Variants in PRDM6 observed in about 807,000 individuals in gnomAD.
The protein encoded by PRDM6 is PR/SET domain 6, also known as putative histone-lysine N-methyltransferase PRDM6.
Under a neutral mutation model 60.8 loss-of-function variants are expected in PRDM6, and 25 were observed. The observed-to-expected ratio is 0.41, with a 90% CI of 0.30 to 0.57. PRDM6 has a LOEUF of 0.57. PRDM6 is among the 20% of genes least tolerant of loss of function. PRDM6 has a pLI of 0.27. For synonymous variants in PRDM6, 407 were observed against 357.4 expected (o/e 1.14, Z -1.57); for missense variants, 839 against 821.3 (o/e 1.02, Z -0.26).
chr5:123,161,956 A>G (rs1438016201), intron 5 of PRDM6, among the ~76,000 whole-genome samples: 6 of 152,176 alleles, frequency 3.9e-5, no homozygotes, highest in African/African-American at 4.8e-5. Flanking sequence ...TTGGACTAGT[A>G]TGGAAGTGGT....
chr5:123,178,790 A>G (rs1766073760), intron 6 of PRDM6, among the ~76,000 whole-genome samples: 1 of 152,192 alleles, frequency 6.6e-6, no homozygotes, highest in Non-Finnish European at 1.5e-5. Context: ...CACTTGACAA[A>G]TGAGAGGGTA....
chr5:123,189,909 T>C lies in PRDM6; in HGVS notation c.*2708T>C, dbSNP rs1314844124. The stretch of plus-strand genomic sequence containing the variant: ...CTAAGTGTATGCTGGGGAGGAGGTT[T>C]CTCTTTGAAACTTCCTAACAATTGC... On this transcript the variant is annotated 3_prime_UTR_variant, in exon 8 of 8. Coordinates refer to ENST00000407847, the MANE Select transcript of PRDM6 (RefSeq NM_001136239.4). The C allele has an allele frequency of 1.3e-5, 2 of 152,210 alleles. No individual in the cohort carries two copies. The highest frequency in any genetic ancestry group is 1.3e-4 in the Admixed American group (2 of 15,276). 9.4% of individuals were successfully genotyped at this position (152,210 alleles called of 1,614,324 possible).
chr5:123,090,022 A>G lies in PRDM6; in HGVS notation c.8A>G (p.Lys3Arg). 6.5e-7 allele frequency: 1 copy of G among 1,547,400 alleles called. No individual in the cohort carries two copies. The highest frequency in any genetic ancestry group is 8.7e-7 in the Non-Finnish European group (1 of 1,145,514). ...CAGTTCGAGGCGCCGGACATGCTGA[A>G]GCCCGGAGACCCCGGCGGTTCGGCC... ML[K>R]PGDPGGSAFL... Residue 3 changes from lysine (K) to arginine (R), a missense_variant, in exon 2 of 8, where the codon AAG becomes AGG. Lys to Arg is a conservative substitution (Grantham distance 26). Coordinates refer to ENST00000407847, the MANE Select transcript of PRDM6 (RefSeq NM_001136239.4).
chr5:123,101,930 A>C (rs1370199591), intron 3 of PRDM6, among the ~76,000 whole-genome samples: 7 of 152,216 alleles, frequency 4.6e-5, no homozygotes, highest in Non-Finnish European at 2.9e-5. Context: ...TTGATACTTC[A>C]GTAGATATAA....
At chr5:123,145,460 GACTCATCGTTACTGTCATC>G (rs1765217934) in intron 3 of PRDM6, among the ~76,000 whole-genome samples, 1 of 152,194 alleles carries the variant, frequency 6.6e-6, no homozygotes, top group Non-Finnish European at 1.5e-5. Context: ...CTAAATTCAA[GACTCATCGTTACTGTCATC>G]ACCCTCTATC....
intron 3 of PRDM6, among the ~76,000 whole-genome samples, chr5:123,139,350 A>G (rs1183531451): frequency 1.3e-5 from 2 of 152,182 alleles, no homozygotes; most frequent in South Asian, 2.1e-4. Context: ...AGTGAGCTTT[A>G]AAGTATACTA....
chr5:123,141,999 T>A (rs529852268), intron 3 of PRDM6, among the ~76,000 whole-genome samples: 125 of 152,262 alleles, frequency 8.2e-4, no homozygotes, highest in African/African-American at 3.0e-3. Context: ...TGAATTCACT[T>A]TTAATTATGT....
intron 5 of PRDM6, 55 bp downstream of exon 5, chr5:123,159,693 A>G: frequency 1.3e-6 from 2 of 1,525,176 alleles, no homozygotes; most frequent in Non-Finnish European, 1.8e-6. Context: ...TTTCAAAGCT[A>G]ACTTTTTAAG....
At chr5:123,161,685 G>A (rs1253066062) in intron 5 of PRDM6, among the ~76,000 whole-genome samples, 1 of 152,200 alleles carries the variant, frequency 6.6e-6, no homozygotes, top group Non-Finnish European at 1.5e-5. Flanking sequence ...GAGGTGAAGA[G>A]GGGTTAACTT....
Position 123,090,142 on chromosome 5 carries a change from T to C in PRDM6, c.128T>C (p.Leu43Pro), listed in dbSNP as rs765186274. ...CTCAAGGGCAGCGGCGCCGCGGGTC[T>C]CCTGAGCGCGCCGCAGCCTCTTCAG... Reference protein sequence around the residue: ...GPLKGSGAAGLLSAPQPLQPP... With the variant: ...GPLKGSGAAGPLSAPQPLQPP... The change falls in exon 2 of 8, where the codon CTC (leucine) becomes CCC (proline). Residue 43 changes from leucine to proline, a missense_variant. Leu to Pro is a moderately conservative substitution (Grantham distance 98, BLOSUM62 -3). This residue lies in a region of PRDM6 where 730 missense variants were observed against 648.8 expected (regional missense o/e 1.13). Coordinates refer to ENST00000407847, the MANE Select transcript of PRDM6 (RefSeq NM_001136239.4). 1.4e-4 allele frequency: 210 copies of C among 1,531,930 alleles called. No homozygotes were observed. Among genetic ancestry groups the C allele is most frequent in the African/African-American group, 1.0e-3 (71 of 70,352 alleles). 94.9% of individuals were successfully genotyped at this position (1,531,930 alleles called of 1,614,324 possible). A position where few individuals can be genotyped will look rare whatever the true frequency, so the allele number is the denominator to read the frequency against.
At chr5:123,140,042 GT>G (rs1400960129) in intron 3 of PRDM6, among the ~76,000 whole-genome samples, 1 of 152,032 alleles carries the variant, frequency 6.6e-6, no homozygotes, top group Non-Finnish European at 1.5e-5. Context: ...TGTGTAATTG[GT>G]AATAGTTTAT....
intron 1 of PRDM6, among the ~76,000 whole-genome samples, chr5:123,089,753 T>C (rs965878995): frequency 2.6e-5 from 4 of 152,192 alleles, no homozygotes; most frequent in African/African-American, 9.6e-5. Flanking sequence ...GGCCCCAGCA[T>C]TGCTGGATGG....
At chr5:123,106,995 A>G (rs973895994) in intron 3 of PRDM6, among the ~76,000 whole-genome samples, 1 of 152,180 alleles carries the variant, frequency 6.6e-6, no homozygotes, top group Admixed American at 6.5e-5. Context: ...TCTTGGTCTC[A>G]AGGTCAGGTG....
chr5:123,129,770 T>G (rs1187680849), intron 3 of PRDM6, among the ~76,000 whole-genome samples: 1 of 152,222 alleles, frequency 6.6e-6, no homozygotes, highest in African/African-American at 2.4e-5. Flanking sequence ...TATCATCATG[T>G]GTCTATAAAT....
chr5:123,111,436 C>T (rs1764308925), intron 3 of PRDM6, among the ~76,000 whole-genome samples: 2 of 152,202 alleles, frequency 1.3e-5, no homozygotes, highest in East Asian at 1.9e-4. Context: ...CGGTGGCTCA[C>T]GTCTGTAATC....
At chr5:123,100,037 C>A in intron 3 of PRDM6, 76 bp downstream of exon 3, 1 of 1,403,700 alleles carries the variant, frequency 7.1e-7, no homozygotes, top group South Asian at 1.6e-5. Flanking sequence ...CGGCAGGGAG[C>A]CTGGCCTTTG....
chr5:123,132,661 C>G (rs1201625460), intron 3 of PRDM6, among the ~76,000 whole-genome samples: 1 of 152,080 alleles, frequency 6.6e-6, no homozygotes, highest in Non-Finnish European at 1.5e-5. Context: ...AAGATAATTT[C>G]CAAGTATGAT....
At chr5:123,103,216 A>G (rs1764141476) in intron 3 of PRDM6, among the ~76,000 whole-genome samples, 1 of 151,994 alleles carries the variant, frequency 6.6e-6, no homozygotes, top group Non-Finnish European at 1.5e-5. Flanking sequence ...TTTTTTTGCA[A>G]TAAGCCAAGG....
chr5:123,121,159 G>A (rs1398662764), intron 3 of PRDM6, among the ~76,000 whole-genome samples: 1 of 152,026 alleles, frequency 6.6e-6, no homozygotes, highest in Non-Finnish European at 1.5e-5. Context: ...CACTTAAAAC[G>A]GAGTATCTTT....
Sources: gnomAD v4.1 joint callset for allele counts (sites outside exome capture counted in the v4.1 genomes callset) on GRCh38, gnomAD v4.1.1 for gene constraint, gnomAD v4.1.1 regional missense constraint, MANE v1.5 for transcripts, NCBI Gene and HGNC (gene_info 2026-07-23, HGNC 2026-07-21) for gene names.